The following NOP14 variants were observed in gnomAD, a reference collection of about 807,000 sequenced individuals.
NOP14 encodes the protein nucleolar protein 14.
NOP14 carries 57 observed loss-of-function variants against 101.6 expected under a neutral mutation model. The observed-to-expected ratio is 0.56, with a 90% CI of 0.45 to 0.70. NOP14 has a LOEUF of 0.70. Among genes scored for constraint, NOP14 ranks in the 30% least tolerant of loss-of-function variants. NOP14 has a pLI of 0.00. For synonymous variants in NOP14, 428 were observed against 424.0 expected (o/e 1.01, Z -0.12); for missense variants, 1,134 against 1,075.5 (o/e 1.05, Z -0.76).
At chr4:2,952,662 C>G (rs1202212008) in intron 5 of NOP14, among the ~76,000 whole-genome samples, 1 of 152,198 alleles carries the variant, frequency 6.6e-6, no homozygotes, top group Non-Finnish European at 1.5e-5. Flanking sequence ...CGAAAACAGG[C>G]CAGGTGCAGT....
At chr4:2,944,375 T>G (rs1039812275) in intron 12 of NOP14, 149 bp from the exon 13 acceptor site, 1 of 518,364 alleles carries the variant, frequency 1.9e-6, no homozygotes, top group Admixed American at 3.8e-5. Context: ...GTCGAGAGCA[T>G]CAAATGAGAT....
Position 2,948,359 on chromosome 4 carries a change from C to T in NOP14, c.1332G>A (p.Met444Ile). Reference sequence around the variant, plus strand: ...TCTCCACCACCAAAAGCTGCTCTTCCATCGATCTTCCTAACAACAGAGATC... The same window carrying T: ...TCTCCACCACCAAAAGCTGCTCTTCTATCGATCTTCCTAACAACAGAGATC... ...ELRSLLLGRS[M>I]EEQLLVVERI... Residue 444 changes from methionine (M) to isoleucine (I), a missense_variant, in exon 9 of 18, where the codon ATG becomes ATA. Physicochemically the swap from Met to Ile is conservative, Grantham distance 10. Transcript: ENST00000416614. 1.2e-6 allele frequency: 2 copies of T among 1,612,790 alleles called. No homozygotes were observed. Among genetic ancestry groups the T allele is most frequent in the Non-Finnish European group, 1.7e-6 (2 of 1,179,688 alleles).
At chr4:2,960,823 T>TAATATTAATATATTAATATTATA (rs1560310984) in intron 1 of NOP14, among the ~76,000 whole-genome samples, 1 of 64,666 alleles carries the variant, frequency 1.5e-5, no homozygotes, top group African/African-American at 8.7e-5. Context: ...ATAATCACAT[T>TAATATTAATATATTAATATTATA]ATCAATATAT....
intron 6 of NOP14, 52 bp downstream of exon 6, chr4:2,952,223 G>A: frequency 1.3e-6 from 2 of 1,595,268 alleles, no homozygotes; most frequent in Non-Finnish European, 1.7e-6. Flanking sequence ...GAGCAGAAGG[G>A]GCTGTGGACG....
rs570225253 is a variant in NOP14 at position 2,939,707 on chromosome 4, G to A, written c.2200-62C>T. 6.7e-5 allele frequency: 85 copies of A among 1,260,870 alleles called. No individual in the cohort carries two copies. The Middle Eastern group carries it at 9.3e-4, about 14-fold the overall frequency. 78.1% of individuals were successfully genotyped at this position (1,260,870 alleles called of 1,614,324 possible). ...ACCTGCTGCGTGCCCTGAGCTCCAC[G>A]CACGGGTTCTGTGGTGTCAAGGCAG... On this transcript the variant is annotated intron_variant, in intron 15 of 17. Coordinates refer to ENST00000416614, the MANE Select transcript of NOP14 (RefSeq NM_001291978.2).
chr4:2,960,756 C>G (rs55845482), intron 1 of NOP14, among the ~76,000 whole-genome samples: 1 of 83,264 alleles, frequency 1.2e-5, no homozygotes, highest in East Asian at 2.5e-4. Flanking sequence ...ATATTATAAT[C>G]ACATTAATAT....
Position 2,961,170 on chromosome 4 carries a change from ATTACAATAAT to A in NOP14, c.195+1945_195+1954del, listed in dbSNP as rs1469428806. 4.1e-3 allele frequency among the ~76,000 whole-genome samples: 184 copies of A among 44,802 alleles called. 4 individuals carry two copies. Among genetic ancestry groups the A allele is most frequent in the African/African-American group, 0.02 (172 of 8,664 alleles). The allele number at this position is 44,802 out of a possible 152,430, so 29.4% of individuals were successfully genotyped here. ...TAATATAATAATATATTAATATGCT[ATTACAATAAT>A]ATATTAATATGCTAATATTATAATA... On this transcript the variant is annotated intron_variant, in intron 1 of 17. Coordinates refer to ENST00000416614, the MANE Select transcript of NOP14 (RefSeq NM_001291978.2).
Position 2,954,502 on chromosome 4 carries a change from C to T in NOP14, c.534G>A (p.Gln178=), listed in dbSNP as rs1715217047. The change falls in exon 4 of 18, where the codon CAG becomes CAA. Residue 178 remains glutamine, a synonymous_variant. Transcript: ENST00000416614. ...TCGGTTTCTCCCGCTCCTCGCCTTCCTGTTGAGTCTTCTTGTGAAGGAGCC... is the reference window on the plus strand; with the variant it reads ...TCGGTTTCTCCCGCTCCTCGCCTTCTTGTTGAGTCTTCTTGTGAAGGAGCC... ...GGGLLHKKTQ[Q]EGEEREKPKS... The T allele has an allele frequency of 1.2e-6, 2 of 1,614,068 alleles. No individual in the cohort carries two copies. The highest frequency in any genetic ancestry group is 1.1e-5 in the South Asian group (1 of 91,084).
intron 3 of NOP14, among the ~76,000 whole-genome samples, chr4:2,955,402 G>A (rs1318873130): frequency 1.2e-4 from 12 of 99,172 alleles, no homozygotes; most frequent in Non-Finnish European, 1.2e-4. Context: ...TGCACGCCAC[G>A]GCGCCCCCTC....
At chr4:2,955,609 A>G (rs950517484) in intron 3 of NOP14, among the ~76,000 whole-genome samples, 16 of 152,188 alleles carry the variant, frequency 1.1e-4, no homozygotes, top group Non-Finnish European at 1.9e-4. Context: ...CCTCCTGGCA[A>G]TGAGGGGAAG....
rs375332958 is a variant in NOP14, at chr4:2,938,941, C to G, written c.2475-11G>C. Reference sequence around the variant, plus strand: ...TTTCTTTCCGCATCCCTAAAAGAAACAAAAGGCAAATGCCCATTTTTGGAT... The same window carrying G: ...TTTCTTTCCGCATCCCTAAAAGAAAGAAAAGGCAAATGCCCATTTTTGGAT... On this transcript the variant is annotated splice_polypyrimidine_tract_variant and intron_variant, in intron 17 of 17. Transcript: ENST00000416614. 135 of 1,611,484 alleles carry G rather than the reference C, an allele frequency of 8.4e-5. No individual in the cohort carries two copies. The highest frequency in any genetic ancestry group is 1.1e-4 in the Non-Finnish European group (125 of 1,177,814).
chr4:2,942,038 G>T, intron 14 of NOP14, 154 bp downstream of exon 14: 2 of 721,534 alleles, frequency 2.8e-6, no homozygotes, highest in Non-Finnish European at 4.7e-6. Flanking sequence ...GGGACAGCAA[G>T]CCAACATGCC....
chr4:2,950,066 A>G lies in NOP14; in HGVS notation c.1150T>C (p.Ser384Pro). ...TTTTCTTCCTCACTCTCCACGTTGG[A>G]TTCCAGGTCCAAGTGGCTATCTGGG... ...DSPDSHLDLE[S>P]NVESEEENEK... Residue 384 changes from serine (S) to proline (P), a missense_variant, in exon 8 of 18, where the codon TCC becomes CCC. Physicochemically the swap from Ser to Pro is moderately conservative, Grantham distance 74 (BLOSUM62 -1). Transcript: ENST00000416614. 1 of 1,613,956 alleles carries G rather than the reference A, an allele frequency of 6.2e-7. No individual in the cohort carries two copies. The highest frequency in any genetic ancestry group is 8.5e-7 in the Non-Finnish European group (1 of 1,179,966).
In NOP14 at chr4:2,944,152, C is replaced by CT; in HGVS notation, c.1811_1812insA (p.Ser605ValfsTer7). The CT allele has an allele frequency of 1.2e-6, 2 of 1,614,060 alleles. No homozygotes were observed. The highest frequency in any genetic ancestry group is 1.7e-6 in the Non-Finnish European group (2 of 1,179,964). ...TAAGCTCAGGTATAAACCTCTGGGA[C>CT]AAAGCCACATACTCCAGGAACAGGC... On this transcript the variant is annotated frameshift_variant, in exon 13 of 18. Coordinates refer to ENST00000416614, the MANE Select transcript of NOP14 (RefSeq NM_001291978.2). LOFTEE classifies it high-confidence loss of function.
chr4:2,941,786 C>T (rs1560294971), intron 14 of NOP14, 57 bp from the exon 15 acceptor site: 68 of 1,558,346 alleles, frequency 4.4e-5, no homozygotes, highest in Non-Finnish European at 5.9e-5. Context: ...ACTGACAAAA[C>T]CAATAACGTG....
In NOP14 at chr4:2,947,756, A is replaced by C. The variant is rs557126892; in HGVS notation, c.1414-145T>G. On this transcript the variant is annotated intron_variant, in intron 9 of 17. Coordinates refer to ENST00000416614, the MANE Select transcript of NOP14 (RefSeq NM_001291978.2). ...GGGTGACAGACACGAGCAGCCTTCT[A>C]AAATGTAAGCAAATACACTGCTAGA... is the stretch of plus-strand genomic sequence containing the variant. 8.6e-4 allele frequency: 576 copies of C among 669,618 alleles called. 1 individual carries two copies. Among genetic ancestry groups the C allele is most frequent in the Non-Finnish European group, 1.4e-3 (516 of 376,836 alleles). The allele number at this position is 669,618 out of a possible 1,614,324, so 41.5% of individuals were successfully genotyped here. A position where few individuals can be genotyped will look rare whatever the true frequency, so the allele number is the denominator to read the frequency against.
intron 1 of NOP14, among the ~76,000 whole-genome samples, chr4:2,958,980 A>G (rs1489942769): frequency 6.6e-6 from 1 of 152,204 alleles, no homozygotes; most frequent in Non-Finnish European, 1.5e-5. Context: ...TTCCATTTAG[A>G]GCACATTCCA....
In NOP14 at chr4:2,941,699, C is replaced by G. The variant is rs1296177643; in HGVS notation, c.2082G>C (p.Leu694=). The G allele has an allele frequency of 9.3e-6, 15 of 1,613,008 alleles. No individual in the cohort carries two copies. Among genetic ancestry groups the G allele is most frequent in the Non-Finnish European group, 1.2e-5 (14 of 1,179,812 alleles). The change falls in exon 15 of 18, where the codon CTG becomes CTC. Residue 694 remains leucine, a synonymous_variant. Coordinates refer to ENST00000416614, the MANE Select transcript of NOP14 (RefSeq NM_001291978.2). ...RLSCLAVGLA[L]LKRCVLMYGS... The stretch of plus-strand genomic sequence containing the variant: ...CGTACATGAGCACGCAGCGCTTCAG[C>G]AGGGCCAGGCCCACAGCCAGGCAGG...
intron 1 of NOP14, among the ~76,000 whole-genome samples, chr4:2,960,826 C>CACATTAATATT (rs1302995309): frequency 5.3e-5 from 3 of 56,402 alleles, no homozygotes; most frequent in African/African-American, 2.0e-4. Context: ...ATCACATTAT[C>CACATTAATATT]AATATATTAA....
Sources: allele counts gnomAD v4.1 joint callset (sites outside exome capture counted in the v4.1 genomes callset), GRCh38; gene constraint gnomAD v4.1.1; transcripts MANE v1.5; gene names NCBI Gene and HGNC (gene_info 2026-07-23, HGNC 2026-07-21).